The following TTC34 variants were observed in gnomAD, a reference collection of about 807,000 sequenced individuals.
TTC34 encodes tetratricopeptide repeat domain 34, also known as tetratricopeptide repeat protein 34.
A neutral mutation model predicts 40.7 loss-of-function variants in TTC34; 44 were observed. The ratio of observed to expected loss-of-function variants is 1.08; its 90% confidence interval spans 0.85 to 1.39. TTC34 has a LOEUF of 1.39. Among genes scored for constraint, TTC34 ranks in the 40% most tolerant of loss-of-function variants. The probability of loss-of-function intolerance (pLI) is 0.00; values close to 1 mark genes in which losing one functional copy is unlikely to be tolerated. For missense variants in TTC34, 884 were observed against 838.0 expected (o/e 1.05, Z -0.68); for synonymous variants, 422 against 398.6 (o/e 1.06, Z -0.70).
chr1:2,775,168 G>A (rs1197153967), intron 6 of TTC34: 13 of 99,916 alleles, frequency 1.3e-4, no homozygotes, highest in African/African-American at 2.2e-4. Context: ...AGAATCTGAC[G>A]CATAAAACAG....
intron 6 of TTC34, among the ~76,000 whole-genome samples, chr1:2,749,476 A>G (rs1641246966): frequency 4.6e-5 from 5 of 108,390 alleles, no homozygotes; most frequent in East Asian, 2.8e-4. Flanking sequence ...CTGGAACAGC[A>G]CCCACATCCC....
intron 6 of TTC34, among the ~76,000 whole-genome samples, chr1:2,677,763 C>T (rs1311985389): frequency 3.4e-5 from 5 of 146,392 alleles, no homozygotes; most frequent in East Asian, 2.1e-4. Context: ...CCTGGAACAG[C>T]ACCCACACCC....
chr1:2,779,362 C>T (rs1052044544), intron 6 of TTC34, among the ~76,000 whole-genome samples: 1 of 151,696 alleles, frequency 6.6e-6, no homozygotes, highest in African/African-American at 2.4e-5. Flanking sequence ...CTCGCTCTGT[C>T]GCCCAGGCTG....
chr1:2,751,689 C>A (rs1341246862), intron 6 of TTC34, among the ~76,000 whole-genome samples: 42 of 113,482 alleles, frequency 3.7e-4, no homozygotes, highest in Non-Finnish European at 4.3e-4. Flanking sequence ...CACCCACAAC[C>A]CCAAGCGAGC....
chr1:2,753,075 G>A (rs1641378478), intron 6 of TTC34, among the ~76,000 whole-genome samples: 10 of 148,622 alleles, frequency 6.7e-5, no homozygotes, highest in African/African-American at 1.5e-4. Flanking sequence ...GCATCTGACA[G>A]CCTGGAACGG....
chr1:2,783,793 G>T lies in TTC34; in HGVS notation c.2060-18C>A. On this transcript the variant is annotated intron_variant, in intron 5 of 8. Transcript: ENST00000401095. ...CTGGCTTCCTGCAGGAAGACGGCATGGGGTCAGGATGAGCCTATGCTGGGT... is the reference window on the plus strand; with the variant it reads ...CTGGCTTCCTGCAGGAAGACGGCATTGGGTCAGGATGAGCCTATGCTGGGT... 6.7e-7 allele frequency: 1 copy of T among 1,481,526 alleles called. No homozygotes were observed. Among genetic ancestry groups the T allele is most frequent in the Non-Finnish European group, 9.0e-7 (1 of 1,110,428 alleles). 91.8% of individuals were successfully genotyped at this position (1,481,526 alleles called of 1,614,324 possible).
At chr1:2,675,205 A>T (rs1417029641) in intron 6 of TTC34, among the ~76,000 whole-genome samples, 1 of 148,266 alleles carries the variant, frequency 6.7e-6, no homozygotes, top group Admixed American at 6.7e-5. Context: ...CGACAACCCC[A>T]GGTGAGCATC....
intron 8 of TTC34, among the ~76,000 whole-genome samples, chr1:2,642,643 C>CA (rs1262639836): frequency 6.6e-6 from 1 of 152,248 alleles, no homozygotes. Context: ...CAAGAATCTG[C>CA]AGGGGTTCCC....
At chr1:2,759,929 T>G (rs1257648814) in intron 6 of TTC34, among the ~76,000 whole-genome samples, 79 of 140,984 alleles carry the variant, frequency 5.6e-4, no homozygotes, top group African/African-American at 2.1e-3. Flanking sequence ...CACCCCCAGG[T>G]GAGCATCTGA....
At position 2,684,599 on chromosome 1, in the gene TTC34, C is replaced by A. The variant is rs1182113967; in HGVS notation, c.2227-39036G>T. Among the ~76,000 whole-genome samples, 23 of 136,668 alleles carry A rather than the reference C, an allele frequency of 1.7e-4. 1 individual carries two copies. Among genetic ancestry groups the A allele is most frequent in the African/African-American group, 6.6e-4 (21 of 31,908 alleles). 89.7% of individuals were successfully genotyped at this position (136,668 alleles called of 152,430 possible). A position where few individuals can be genotyped will look rare whatever the true frequency, so the allele number is the denominator to read the frequency against. The stretch of plus-strand genomic sequence containing the variant: ...ATAGCCTGGAGCAACACCCATACCC[C>A]CAGGTGAGCATCTGACCGCATGGAA... On this transcript the variant is annotated intron_variant, in intron 6 of 8. Coordinates refer to ENST00000401095, the Ensembl canonical transcript of TTC34.
At chr1:2,699,559 G>C (rs1420971496) in intron 6 of TTC34, among the ~76,000 whole-genome samples, 2 of 140,236 alleles carry the variant, frequency 1.4e-5, no homozygotes, top group African/African-American at 2.6e-5. Context: ...TGACAGCCTG[G>C]AGCAGCACCC....
At chr1:2,685,984 G>A (rs1640322193) in intron 6 of TTC34, among the ~76,000 whole-genome samples, 3 of 121,314 alleles carry the variant, frequency 2.5e-5, no homozygotes, top group Non-Finnish European at 5.2e-5. Flanking sequence ...CTGACTGCAT[G>A]TATCAGCACC....
At position 2,796,508 on chromosome 1, in the gene TTC34, C is replaced by T. The variant is rs191646777; in HGVS notation, c.784+3536G>A. 1.2e-4 allele frequency among the ~76,000 whole-genome samples: 18 copies of T among 152,268 alleles called. No individual in the cohort carries two copies. Among genetic ancestry groups the T allele is most frequent in the Admixed American group, 5.9e-4 (9 of 15,300 alleles). On this transcript the variant is annotated intron_variant, in intron 2 of 8. Coordinates refer to ENST00000401095, the Ensembl canonical transcript of TTC34. The surrounding 1 kb of genome is among the most constrained non-coding windows in gnomAD (Gnocchi z 4.5). ...GCCACGGCAGACACAGACGAGCTTC[C>T]GGTGGCCTTCCTGGAGGAGCTGGGT...
Position 2,752,114 on chromosome 1 carries a change from G to A in TTC34, c.2226+31495C>T. Among the ~76,000 whole-genome samples, 2 of 111,164 alleles carry A rather than the reference G, an allele frequency of 1.8e-5. 1 individual carries two copies. Among genetic ancestry groups the A allele is most frequent in the Non-Finnish European group, 3.5e-5 (2 of 56,786 alleles). 72.9% of individuals were successfully genotyped at this position (111,164 alleles called of 152,430 possible). On this transcript the variant is annotated intron_variant, in intron 6 of 8. Transcript: ENST00000401095. ...CCTTCAGGCGAGCATCGGACAGCCT[G>A]GAGCAACACCCACGCCCCCAGGTGC...
chr1:2,685,720 C>A (rs1570811882), intron 6 of TTC34, among the ~76,000 whole-genome samples: 5 of 148,200 alleles, frequency 3.4e-5, no homozygotes, highest in Non-Finnish European at 7.4e-5. Flanking sequence ...CACCCACACC[C>A]CCAGGTGCGC....
chr1:2,769,800 G>C (rs1256443935), intron 6 of TTC34, among the ~76,000 whole-genome samples: 4 of 128,732 alleles, frequency 3.1e-5, no homozygotes, highest in Non-Finnish European at 6.4e-5. Flanking sequence ...ACCCCCAGGT[G>C]GGCATCTGAC....
chr1:2,683,673 C>CAT (rs1640185991), intron 6 of TTC34, among the ~76,000 whole-genome samples: 1 of 149,152 alleles, frequency 6.7e-6, no homozygotes, highest in Non-Finnish European at 1.5e-5. Context: ...GCACGCTGCA[C>CAT]CCCCAGGTGA....
chr1:2,768,675 C>A (rs1439022822), intron 6 of TTC34, among the ~76,000 whole-genome samples: 36 of 150,784 alleles, frequency 2.4e-4, no homozygotes, highest in Non-Finnish European at 4.6e-4. Context: ...AGGTAAGATT[C>A]CAACAGCATG....
chr1:2,651,891 T>C (rs1026782076), intron 6 of TTC34, among the ~76,000 whole-genome samples: 38 of 151,660 alleles, frequency 2.5e-4, no homozygotes, highest in African/African-American at 9.0e-4. Context: ...CGATTTTGGG[T>C]GAGCAGCTGA....
Sources: gnomAD v4.1 joint callset for allele counts (sites outside exome capture counted in the v4.1 genomes callset) on GRCh38, gnomAD v4.1.1 for gene constraint, Gnocchi (gnomAD v3.1) non-coding constraint, MANE v1.5 for transcripts, NCBI Gene and HGNC (gene_info 2026-07-23, HGNC 2026-07-21) for gene names.